Variants in PLPPR1 observed in about 807,000 individuals in gnomAD.
PLPPR1 encodes phospholipid phosphatase-related protein type 1.
A neutral mutation model predicts 33.1 loss-of-function variants in PLPPR1; 10 were observed. The ratio of observed to expected loss-of-function variants is 0.30; its 90% CI spans 0.19 to 0.51. The LOEUF is 0.51. Ranked by LOEUF, PLPPR1 falls within the 20% of genes least tolerant of loss-of-function variation. PLPPR1 has a pLI of 0.97. For synonymous variants in PLPPR1, 151 were observed against 151.0 expected, an observed-to-expected ratio of 1.00 and a Z score of 0.00; for missense variants, 304 against 408.1, an observed-to-expected ratio of 0.74 and a Z score of 2.20.
At position 101,088,350 on chromosome 9, in the gene PLPPR1, G is replaced by A. The variant is rs567032519; in HGVS notation, c.-46+59248G>A. ...ATCACTTCGGTATGTATATTAAAAC[G>A]TCATGATGTACACCTTAAATGTATA... is the stretch of plus-strand genomic sequence containing the variant. On this transcript the variant is annotated intron_variant, in intron 1 of 7. Coordinates refer to ENST00000374874, the MANE Select transcript of PLPPR1 (RefSeq NM_207299.2). 3.9e-5 allele frequency among the ~76,000 whole-genome samples: 6 copies of A among 152,006 alleles called. No individual in the cohort carries two copies. The East Asian group carries it at 5.8e-4, about 15-fold the overall frequency.
At chr9:101,298,144 A>G (rs913994619) in intron 4 of PLPPR1, among the ~76,000 whole-genome samples, 2 of 152,240 alleles carry the variant, frequency 1.3e-5, no homozygotes, top group Admixed American at 6.5e-5. Context: ...CTTTGAGTTA[A>G]TTAAAAAACT....
chr9:101,263,115 G>A (rs887826021), intron 2 of PLPPR1, among the ~76,000 whole-genome samples: 22 of 151,404 alleles, frequency 1.5e-4, no homozygotes, highest in African/African-American at 3.7e-4. Context: ...TAACAAACCC[G>A]GACATTCTGC....
intron 2 of PLPPR1, among the ~76,000 whole-genome samples, chr9:101,261,213 A>G (rs1827893758): frequency 1.3e-5 from 2 of 152,198 alleles, no homozygotes; most frequent in Non-Finnish European, 2.9e-5. Flanking sequence ...AAAGTTACAT[A>G]GCTGATTACA....
chr9:101,170,102 A>G (rs1825918381), intron 1 of PLPPR1, among the ~76,000 whole-genome samples: 1 of 152,132 alleles, frequency 6.6e-6, no homozygotes, highest in Non-Finnish European at 1.5e-5. Context: ...ATTACTGTGT[A>G]CCTACTATGT....
chr9:101,056,819 A>T (rs963539194), intron 1 of PLPPR1, among the ~76,000 whole-genome samples: 2 of 152,164 alleles, frequency 1.3e-5, no homozygotes, highest in Non-Finnish European at 1.5e-5. Context: ...TGATCATGTC[A>T]GTGGACCAGT....
intron 1 of PLPPR1, among the ~76,000 whole-genome samples, chr9:101,177,549 A>G (rs1826036544): frequency 6.6e-6 from 1 of 152,190 alleles, no homozygotes; most frequent in African/African-American, 2.4e-5. Flanking sequence ...ATCATTCTTC[A>G]AAATAGTTGT....
intron 1 of PLPPR1, among the ~76,000 whole-genome samples, chr9:101,059,539 A>G (rs1830317920): frequency 6.6e-6 from 1 of 152,136 alleles, no homozygotes; most frequent in African/African-American, 2.4e-5. Flanking sequence ...AAAATATGCA[A>G]GAATTTACAT....
chr9:101,122,372 A>G, intron 1 of PLPPR1, among the ~76,000 whole-genome samples: 1 of 152,216 alleles, frequency 6.6e-6, no homozygotes, highest in Non-Finnish European at 1.5e-5. Flanking sequence ...CAAACAGTTA[A>G]TTGCACTTGC....
At chr9:101,038,248 T>C (rs896582791) in intron 1 of PLPPR1, among the ~76,000 whole-genome samples, 1 of 152,162 alleles carries the variant, frequency 6.6e-6, no homozygotes, top group African/African-American at 2.4e-5. Context: ...TACTCTTATA[T>C]GAAAAGGATG....
At chr9:101,280,963 G>C (rs1232489898) in intron 3 of PLPPR1, among the ~76,000 whole-genome samples, 2 of 152,000 alleles carry the variant, frequency 1.3e-5, no homozygotes, top group East Asian at 3.9e-4. Flanking sequence ...ATCCAAATTG[G>C]ACAGGAAGTC....
At chr9:101,167,966 G>A (rs143588197) in intron 1 of PLPPR1, among the ~76,000 whole-genome samples, 42 of 152,280 alleles carry the variant, frequency 2.8e-4, no homozygotes, top group African/African-American at 1.0e-3. Flanking sequence ...CACAGTGGCA[G>A]GTAAGAGAGC....
At chr9:101,153,837 C>T (rs1413991570) in intron 1 of PLPPR1, among the ~76,000 whole-genome samples, 5 of 152,000 alleles carry the variant, frequency 3.3e-5, no homozygotes, top group African/African-American at 1.2e-4. Flanking sequence ...CCCACCTCGG[C>T]CTCCCAAAGT....
At chr9:101,098,540 G>A (rs2987754) in intron 1 of PLPPR1, among the ~76,000 whole-genome samples, 64,528 of 151,876 alleles carry the variant, frequency 0.42, 13,969 homozygotes, top group Non-Finnish European at 0.47. Context: ...GAATGAGTGG[G>A]GAACAAAGAG....
intron 2 of PLPPR1, among the ~76,000 whole-genome samples, chr9:101,224,318 T>G (rs1282284145): frequency 6.6e-6 from 1 of 152,212 alleles, no homozygotes; most frequent in Non-Finnish European, 1.5e-5. Context: ...CCAAAAGATA[T>G]GATCCACTAT....
intron 7 of PLPPR1, among the ~76,000 whole-genome samples, chr9:101,319,216 G>A (rs779038612): frequency 3.2e-4 from 48 of 152,108 alleles, no homozygotes; most frequent in Admixed American, 5.2e-4. Flanking sequence ...TCACTCTTTC[G>A]CCCAGGCTGG....
chr9:101,074,566 T>C (rs1213443291), intron 1 of PLPPR1, among the ~76,000 whole-genome samples: 3 of 152,170 alleles, frequency 2.0e-5, no homozygotes, highest in African/African-American at 4.8e-5. Flanking sequence ...GTGCAAGGCA[T>C]AGGAGAAACA....
At chr9:101,109,045 G>T (rs371166217) in intron 1 of PLPPR1, among the ~76,000 whole-genome samples, 2 of 147,394 alleles carry the variant, frequency 1.4e-5, no homozygotes, top group Non-Finnish European at 3.0e-5. Context: ...TGCAAGCTCC[G>T]CCTTCCGGAT....
chr9:101,234,480 C>CT (rs1374766202), intron 2 of PLPPR1, among the ~76,000 whole-genome samples: 1 of 151,702 alleles, frequency 6.6e-6, no homozygotes, highest in Admixed American at 6.6e-5. Context: ...ATAGCCCTCC[C>CT]TTTTATTGAC....
Position 101,312,803 on chromosome 9 carries a change from T to C in PLPPR1, c.642T>C (p.Tyr214=), listed in dbSNP as rs745425334. ...SIYSALYATM[Y]ITSTIKTKSS... Reference sequence around the variant, plus strand: ...TGGCCTCTGTCCTATTCCAGATGTATATTACAAGCACAATCAAGACGAAGA... The same window carrying C: ...TGGCCTCTGTCCTATTCCAGATGTACATTACAAGCACAATCAAGACGAAGA... The change falls in exon 6 of 8, where the codon TAT becomes TAC. Residue 214 remains tyrosine, a synonymous_variant. Transcript: ENST00000374874. The C allele has an allele frequency of 1.9e-6, 3 of 1,614,038 alleles. No homozygotes were observed. In the East Asian group the frequency reaches 6.7e-5, roughly 36 times the overall value.
Sources: gnomAD v4.1 joint callset for allele counts (sites outside exome capture counted in the v4.1 genomes callset) on GRCh38, gnomAD v4.1.1 for gene constraint, MANE v1.5 for transcripts, NCBI Gene and HGNC (gene_info 2026-07-23, HGNC 2026-07-21) for gene names.